Variants in PPP1R1C observed in about 807,000 individuals in gnomAD.
The protein encoded by PPP1R1C is protein phosphatase 1 regulatory subunit 1C.
Under a neutral mutation model 17.4 loss-of-function variants are expected in PPP1R1C, and 15 were observed. That is an observed-to-expected ratio of 0.86 (90% CI 0.58 to 1.33). PPP1R1C has a LOEUF of 1.33. Ranked by LOEUF, PPP1R1C falls within the 40% of genes most tolerant of loss-of-function variation. PPP1R1C has a pLI of 0.00. For missense variants in PPP1R1C, 143 were observed against 130.0 expected, an observed-to-expected ratio of 1.10 and a Z score of -0.48; for synonymous variants, 35 against 43.1, an observed-to-expected ratio of 0.81 and a Z score of 0.73.
chr2:182,118,813 C>G (rs140680435), downstream of PPP1R1C, among the ~76,000 whole-genome samples: 1 of 151,676 alleles, frequency 6.6e-6, no homozygotes, highest in Non-Finnish European at 1.5e-5. Context: ...TCCCTCCCTC[C>G]TTCTCTTCCT....
chr2:182,101,479 A>C (rs1689096609), intron 4 of PPP1R1C, among the ~76,000 whole-genome samples: 1 of 152,152 alleles, frequency 6.6e-6, no homozygotes, highest in Non-Finnish European at 1.5e-5. Flanking sequence ...TTACTGCATC[A>C]GGTCATGGTT....
intron 2 of PPP1R1C, among the ~76,000 whole-genome samples, chr2:182,060,370 A>G (rs1259430796): frequency 6.6e-6 from 1 of 152,126 alleles, no homozygotes; most frequent in Non-Finnish European, 1.5e-5. Flanking sequence ...TTGTGTGCAT[A>G]TATATGTATA....
rs188214531 is a variant in PPP1R1C, at chr2:181,969,021, A to C, written n.112-6198A>C. On this transcript the variant is annotated intron_variant and non_coding_transcript_variant, in intron 1 of 5. Coordinates refer to the PPP1R1C transcript ENST00000464264. ...TAACTTGATATCCCCCTGCTTTTTA[A>C]CTTTCTGTTATTTCTATTTGTGTCT... 2.5e-3 allele frequency among the ~76,000 whole-genome samples: 376 copies of C among 152,054 alleles called. 1 individual carries two copies. The highest frequency in any genetic ancestry group is 3.5e-3 in the Non-Finnish European group (237 of 67,906).
At chr2:182,129,935 T>G (rs1026822593) in exon 6 of PPP1R1C, 3 of 152,138 alleles carry the variant, frequency 2.0e-5, no homozygotes, top group African/African-American at 7.2e-5. Flanking sequence ...TCTTGGGCAT[T>G]GACTTCAAAC....
chr2:182,102,278 A>G (rs941298144), intron 4 of PPP1R1C, among the ~76,000 whole-genome samples: 11 of 152,192 alleles, frequency 7.2e-5, no homozygotes, highest in African/African-American at 2.7e-4. Context: ...ATTTATGGCC[A>G]CTTTTGTATG....
intron 2 of PPP1R1C, among the ~76,000 whole-genome samples, chr2:182,056,383 A>G (rs1687685518): frequency 6.6e-6 from 1 of 152,082 alleles, no homozygotes; most frequent in South Asian, 2.1e-4. Flanking sequence ...CTAATTTTTG[A>G]CTGTGGCTCT....
intron 4 of PPP1R1C, among the ~76,000 whole-genome samples, chr2:182,084,106 G>A (rs1688559478): frequency 6.6e-6 from 1 of 151,800 alleles, no homozygotes; most frequent in Non-Finnish European, 1.5e-5. Flanking sequence ...AATTTTTAAT[G>A]GGATTATTTG....
intron 2 of PPP1R1C, among the ~76,000 whole-genome samples, chr2:181,993,747 A>G (rs755584644): frequency 2.6e-5 from 4 of 152,180 alleles, no homozygotes; most frequent in Non-Finnish European, 4.4e-5. Flanking sequence ...CAATTAATTG[A>G]CTTATTTTCC....
rs551738813 is a variant in PPP1R1C, at chr2:182,130,001, A to G, written c.*1034A>G. ...AATTTGAAACTTTAATAAAAAAAGT[A>G]CATGGTTCATTTAAAAATGTTTCCT... On this transcript the variant is annotated 3_prime_UTR_variant, in exon 6 of 6. Transcript: ENST00000280295. The G allele has an allele frequency of 5.3e-5, 8 of 152,280 alleles. No homozygotes were observed. The South Asian group carries it at 1.7e-3, about 32-fold the overall frequency. The allele number at this position is 152,280 out of a possible 1,614,324, so 9.4% of individuals were successfully genotyped here.
chr2:182,031,047 G>C (rs1339424973), intron 2 of PPP1R1C: 1 of 153,696 alleles, frequency 6.5e-6, no homozygotes, highest in Non-Finnish European at 1.4e-5. Context: ...TCCCAAGTGA[G>C]GCAATGCCTC....
At chr2:182,086,528 G>A (rs1019116529) in intron 4 of PPP1R1C, among the ~76,000 whole-genome samples, 1 of 152,106 alleles carries the variant, frequency 6.6e-6, no homozygotes, top group Non-Finnish European at 1.5e-5. Context: ...TTATAAATGT[G>A]ATGTGAGGAA....
chr2:182,119,291 A>C (rs1477222484), downstream of PPP1R1C, among the ~76,000 whole-genome samples: 5 of 151,848 alleles, frequency 3.3e-5, no homozygotes, highest in Non-Finnish European at 7.4e-5. Context: ...ACATTTTCTT[A>C]ATCCAGTCTA....
At chr2:182,093,465 G>T (rs562325100) in intron 4 of PPP1R1C, among the ~76,000 whole-genome samples, 1 of 152,262 alleles carries the variant, frequency 6.6e-6, no homozygotes, top group Admixed American at 6.5e-5. Context: ...TCAGCTCCTC[G>T]TTACTTATGC....
In PPP1R1C at chr2:181,959,861, G is replaced by A. The variant is rs190940019; in HGVS notation, n.111+5227G>A. Among the ~76,000 whole-genome samples the A allele has an allele frequency of 1.9e-3, 292 of 152,122 alleles. 2 individuals carry two copies. Among genetic ancestry groups the A allele is most frequent in the Non-Finnish European group, 2.4e-3 (166 of 67,976 alleles). On this transcript the variant is annotated intron_variant and non_coding_transcript_variant, in intron 1 of 5. Coordinates refer to the PPP1R1C transcript ENST00000464264. ...TGACTTTAGCTTTTTAAGTGTTTTA[G>A]GACTCTGCAGTATCCAGTTAATAAT...
chr2:182,019,491 A>G (rs1686353819), intron 2 of PPP1R1C, among the ~76,000 whole-genome samples: 1 of 152,190 alleles, frequency 6.6e-6, no homozygotes, highest in Non-Finnish European at 1.5e-5. Flanking sequence ...TGATGATACA[A>G]TGGTACTATG....
intron 4 of PPP1R1C, among the ~76,000 whole-genome samples, chr2:182,068,061 A>G (rs922173633): frequency 6.6e-6 from 1 of 152,086 alleles, no homozygotes; most frequent in East Asian, 1.9e-4. Context: ...AGTCCTTGAG[A>G]CAGTCTTTAT....
chr2:182,022,857 G>T (rs1686469696), intron 2 of PPP1R1C, among the ~76,000 whole-genome samples: 1 of 152,158 alleles, frequency 6.6e-6, no homozygotes, highest in Non-Finnish European at 1.5e-5. Context: ...GTATGTTGAA[G>T]AAATATCAGA....
intron 2 of PPP1R1C, among the ~76,000 whole-genome samples, chr2:182,043,951 A>G (rs772727476): frequency 1.3e-5 from 2 of 152,200 alleles, no homozygotes; most frequent in African/African-American, 4.8e-5. Flanking sequence ...GCACCACAAT[A>G]TGAACAATTC....
Position 181,961,893 on chromosome 2 carries a change from C to T in PPP1R1C, n.111+7259C>T. On this transcript the variant is annotated intron_variant and non_coding_transcript_variant, in intron 1 of 5. Transcript: ENST00000464264. This position sits in a 1 kb window ranked among gnomAD's most constrained non-coding sequence, Gnocchi z 5.8. ...CCTCCATCTCTGTCTCCAGTGGCAG[C>T]CAAGTGACATTGGTCATCAGTGACC... 1.3e-6 allele frequency: 1 copy of T among 773,182 alleles called. No homozygotes were observed. Among genetic ancestry groups the T allele is most frequent in the East Asian group, 2.5e-5 (1 of 39,324 alleles). The allele number at this position is 773,182 out of a possible 1,614,324, so 47.9% of individuals were successfully genotyped here.
Sources: allele counts gnomAD v4.1 joint callset (sites outside exome capture counted in the v4.1 genomes callset), GRCh38; gene constraint gnomAD v4.1.1; non-coding constraint Gnocchi (gnomAD v3.1); transcripts MANE v1.5; gene names NCBI Gene and HGNC (gene_info 2026-07-23, HGNC 2026-07-21).